SULF1: variants seen among roughly 807,000 people sequenced by gnomAD.
SULF1 encodes extracellular sulfatase Sulf-1.
SULF1 carries 46 observed loss-of-function variants against 110.5 expected under a neutral mutation model. That is an observed-to-expected ratio of 0.42 (90% CI 0.33 to 0.53). The LOEUF is 0.53. Among genes scored for constraint, SULF1 ranks in the 20% least tolerant of loss-of-function variants. The pLI is 0.12. For missense variants in SULF1, 941 were observed against 1,094.2 expected, an observed-to-expected ratio of 0.86 and a Z score of 1.98; for synonymous variants, 371 against 387.1, an observed-to-expected ratio of 0.96 and a Z score of 0.49.
intron 3 of SULF1, among the ~76,000 whole-genome samples, chr8:69,526,599 C>CAAAAA (rs3059929): frequency 7.3e-6 from 1 of 136,618 alleles, no homozygotes; most frequent in South Asian, 2.3e-4. Flanking sequence ...GTATCTCTAC[C>CAAAAA]AAAAAAAAAA....
chr8:69,583,065 C>T (rs373226817), intron 6 of SULF1, among the ~76,000 whole-genome samples: 5 of 152,296 alleles, frequency 3.3e-5, no homozygotes, highest in South Asian at 2.1e-4. Context: ...GCTTAAGCAG[C>T]GGGCACTTGG....
chr8:69,625,810 G>T (rs966161410), intron 15 of SULF1: 2 of 152,392 alleles, frequency 1.3e-5, no homozygotes, highest in African/African-American at 4.8e-5. Context: ...GCCACTGCTG[G>T]CTCCGGCAGC....
chr8:69,648,822 G>A (rs189772797), intron 22 of SULF1, among the ~76,000 whole-genome samples: 5 of 152,330 alleles, frequency 3.3e-5, no homozygotes, highest in East Asian at 1.9e-4. Context: ...TAAATTACCC[G>A]TCTGTGGAAT....
intron 3 of SULF1, among the ~76,000 whole-genome samples, chr8:69,520,469 G>A (rs370353149): frequency 5.3e-5 from 8 of 152,228 alleles, no homozygotes; most frequent in African/African-American, 1.7e-4. Flanking sequence ...CCACATGAGA[G>A]TTAAGAACTC....
intron 8 of SULF1, among the ~76,000 whole-genome samples, chr8:69,597,857 G>A (rs1248123282): frequency 1.3e-5 from 2 of 152,124 alleles, no homozygotes; most frequent in African/African-American, 4.8e-5. Context: ...CTTTCTCAGG[G>A]CATGTAATGG....
At position 69,627,244 on chromosome 8, in the gene SULF1, G is replaced by C. The variant is rs745925177; in HGVS notation, c.1885G>C (p.Glu629Gln). ...FILPNDSIHC[E>Q]RELYQSARAW... ...TCTTCCCAATGACTCTATCCATTGT[G>C]AGAGAGAACTGTACCAATCGGCCAG... The change falls in exon 16 of 23, where the codon GAG (glutamate) becomes CAG (glutamine). Residue 629 changes from glutamate to glutamine, a missense_variant. Physicochemically the swap from Glu to Gln is conservative, Grantham distance 29 (BLOSUM62 2). This residue lies in a region of SULF1 where 822 missense variants were observed against 934.3 expected (regional missense o/e 0.88). Transcript: ENST00000402687. 2.9e-5 allele frequency: 46 copies of C among 1,613,984 alleles called. No homozygotes were observed. Among genetic ancestry groups the C allele is most frequent in the Non-Finnish European group, 3.6e-5 (42 of 1,179,998 alleles).
intron 13 of SULF1, among the ~76,000 whole-genome samples, chr8:69,619,391 A>T (rs1208349505): frequency 2.0e-5 from 3 of 152,194 alleles, no homozygotes; most frequent in Admixed American, 6.5e-5. Context: ...GAGAAGGGGG[A>T]AAATAAAATG....
chr8:69,552,956 C>T (rs534702345), intron 3 of SULF1, among the ~76,000 whole-genome samples: 59 of 152,298 alleles, frequency 3.9e-4, no homozygotes, highest in African/African-American at 1.3e-3. Flanking sequence ...AACAGGTGGC[C>T]TAGTGAGTCC....
Position 69,569,813 on chromosome 8 carries a change from A to G in SULF1, c.172+5666A>G, listed in dbSNP as rs551231242. Among the ~76,000 whole-genome samples, 18 of 152,092 alleles carry G rather than the reference A, an allele frequency of 1.2e-4. No homozygotes were observed. The South Asian group carries it at 3.7e-3, about 32-fold the overall frequency. ...TGGAAACATTCCAGACTAATTTATT[A>G]TCTTCTCTTTTTTCCCTTCTTCTCC... On this transcript the variant is annotated intron_variant, in intron 5 of 22. Coordinates refer to ENST00000402687, the MANE Select transcript of SULF1 (RefSeq NM_001128205.2).
At chr8:69,525,676 A>G (rs1331761812) in intron 3 of SULF1, among the ~76,000 whole-genome samples, 1 of 152,218 alleles carries the variant, frequency 6.6e-6, no homozygotes, top group Non-Finnish European at 1.5e-5. Flanking sequence ...TTCATCTGAA[A>G]TGACAAATCT....
chr8:69,578,492 A>T (rs1296154856), intron 6 of SULF1, among the ~76,000 whole-genome samples: 1 of 128,808 alleles, frequency 7.8e-6, no homozygotes, highest in African/African-American at 2.9e-5. Context: ...TCCTAATGCT[A>T]TCCCTCCCCC....
intron 3 of SULF1, among the ~76,000 whole-genome samples, chr8:69,530,198 T>G (rs575582431): frequency 6.6e-6 from 1 of 152,244 alleles, no homozygotes; most frequent in South Asian, 2.1e-4. Context: ...CCCTACTGCT[T>G]GCATCAAATG....
intron 13 of SULF1, among the ~76,000 whole-genome samples, chr8:69,611,166 C>A (rs1222691621): frequency 1.3e-5 from 2 of 152,238 alleles, no homozygotes; most frequent in Non-Finnish European, 2.9e-5. Context: ...TCATATAGTT[C>A]TTGCCTCATA....
intron 3 of SULF1, among the ~76,000 whole-genome samples, chr8:69,561,985 G>A (rs577960239): frequency 9.2e-5 from 14 of 152,306 alleles, no homozygotes; most frequent in African/African-American, 2.2e-4. Context: ...ATCACCCTGC[G>A]TTATTAAGAA....
chr8:69,577,408 ACAGAAT>A (rs1166023377), intron 6 of SULF1, among the ~76,000 whole-genome samples: 3 of 152,334 alleles, frequency 2.0e-5, no homozygotes, highest in Non-Finnish European at 4.4e-5. Context: ...CAGCTCAGAA[ACAGAAT>A]CAGAGGCGGT....
intron 5 of SULF1, among the ~76,000 whole-genome samples, chr8:69,571,730 G>C (rs761596565): frequency 6.6e-6 from 1 of 152,080 alleles, no homozygotes; most frequent in Non-Finnish European, 1.5e-5. Flanking sequence ...ATAACTATGA[G>C]TTTTATTACA....
At position 69,629,691 on chromosome 8, in the gene SULF1, G is replaced by T; in HGVS notation, c.2284+12G>T. ...CCCGTTCTGGAACCGTAAGTTGCTT[G>T]TTCCAAATGCCACTTCCTGCCGCCA... On this transcript the variant is annotated intron_variant, in intron 19 of 22. Coordinates refer to ENST00000402687, the MANE Select transcript of SULF1 (RefSeq NM_001128205.2). 1.3e-6 allele frequency: 2 copies of T among 1,585,038 alleles called. No homozygotes were observed. Among genetic ancestry groups the T allele is most frequent in the African/African-American group, 1.4e-5 (1 of 73,966 alleles).
intron 16 of SULF1, 57 bp from the exon 17 acceptor site, chr8:69,627,715 A>T: frequency 8.5e-7 from 1 of 1,169,978 alleles, no homozygotes; most frequent in Admixed American, 2.0e-5. Flanking sequence ...AAAGAAAAGT[A>T]CTTTGTAAAG....
At chr8:69,566,057 A>T (rs1815860196) in intron 5 of SULF1, among the ~76,000 whole-genome samples, 1 of 151,120 alleles carries the variant, frequency 6.6e-6, no homozygotes, top group African/African-American at 2.4e-5. Flanking sequence ...TTTCCTTTGC[A>T]CCCCGAGAAC....
Sources: gnomAD v4.1 joint callset for allele counts (sites outside exome capture counted in the v4.1 genomes callset) on GRCh38, gnomAD v4.1.1 for gene constraint, gnomAD v4.1.1 regional missense constraint, MANE v1.5 for transcripts, NCBI Gene and HGNC (gene_info 2026-07-23, HGNC 2026-07-21) for gene names.